Variants in CACNB4 observed in about 807,000 individuals in gnomAD.
CACNB4 encodes the protein calcium voltage-gated channel auxiliary subunit beta 4.
A neutral mutation model predicts 71.2 loss-of-function variants in CACNB4; 32 were observed. The ratio of observed to expected loss-of-function variants is 0.45; its 90% confidence interval spans 0.34 to 0.60. CACNB4 has a LOEUF of 0.60. CACNB4 is among the 20% of genes least tolerant of loss of function. The pLI is 0.01. For missense variants in CACNB4, 464 were observed against 647.9 expected, an observed-to-expected ratio of 0.72 and a Z score of 3.08; for synonymous variants, 231 against 236.9, an observed-to-expected ratio of 0.97 and a Z score of 0.23.
At chr2:152,016,363 T>C (rs1428374326) in intron 2 of CACNB4, among the ~76,000 whole-genome samples, 2 of 152,262 alleles carry the variant, frequency 1.3e-5, no homozygotes, top group Admixed American at 6.5e-5. Context: ...TCTAACATCC[T>C]ATTTTGAATT....
chr2:152,025,942 G>A (rs1420954030), intron 2 of CACNB4, among the ~76,000 whole-genome samples: 1 of 152,232 alleles, frequency 6.6e-6, no homozygotes. Flanking sequence ...TTTGCAGCGG[G>A]AGGGTTGCTC....
In CACNB4 at chr2:151,838,069, G is replaced by A. The variant is rs2099835272; in HGVS notation, c.*1050C>T. 2 of 152,176 alleles carry A rather than the reference G, an allele frequency of 1.3e-5. No homozygotes were observed. The highest frequency in any genetic ancestry group is 4.8e-5 in the African/African-American group (2 of 41,454). The allele number at this position is 152,176 out of a possible 1,614,324, so 9.4% of individuals were successfully genotyped here. On this transcript the variant is annotated 3_prime_UTR_variant, in exon 14 of 14. Transcript: ENST00000539935. ...AAGACAGAGACTGAGAGAAGCAATG[G>A]AAAGATACTCAATCTTGTTGGCAGG...
intron 2 of CACNB4, among the ~76,000 whole-genome samples, chr2:152,030,110 T>C (rs1684199370): frequency 6.6e-6 from 1 of 152,194 alleles, no homozygotes; most frequent in African/African-American, 2.4e-5. Context: ...TTACCTTCTT[T>C]TTTTTTTCTG....
intron 2 of CACNB4, chr2:151,883,740 G>A: frequency 3.3e-6 from 1 of 302,188 alleles, no homozygotes; most frequent in South Asian, 3.2e-5. Flanking sequence ...AAGAGACTCA[G>A]CTTATTACAA....
chr2:152,010,815 C>A (rs1434199326), intron 2 of CACNB4, among the ~76,000 whole-genome samples: 1 of 152,170 alleles, frequency 6.6e-6, no homozygotes, highest in Non-Finnish European at 1.5e-5. Context: ...CTGTTCCCAG[C>A]CCAGCACTGT....
intron 2 of CACNB4, among the ~76,000 whole-genome samples, chr2:152,094,756 G>T (rs188798328): frequency 1.5e-4 from 23 of 152,210 alleles, no homozygotes; most frequent in African/African-American, 4.8e-4. Flanking sequence ...ATCTAACATA[G>T]TGCTAGGCAC....
chr2:151,896,860 A>G (rs1578692089), intron 2 of CACNB4, among the ~76,000 whole-genome samples: 1 of 152,246 alleles, frequency 6.6e-6, no homozygotes, highest in East Asian at 1.9e-4. Flanking sequence ...GATAGATTTC[A>G]TTATCCACAC....
chr2:151,860,443 T>C, intron 10 of CACNB4: 1 of 472,782 alleles, frequency 2.1e-6, no homozygotes, highest in Middle Eastern at 5.5e-4. Context: ...TGGTTTCATG[T>C]AGTTAGGCAG....
intron 2 of CACNB4, among the ~76,000 whole-genome samples, chr2:152,051,652 A>G (rs1238091195): frequency 2.0e-5 from 3 of 152,238 alleles, no homozygotes; most frequent in Non-Finnish European, 4.4e-5. Flanking sequence ...AGGGCTTTCA[A>G]CAAGAACCCA....
Position 151,842,003 on chromosome 2 carries a change from G to A in CACNB4, c.1202C>T (p.Ala401Val). The A allele has an allele frequency of 6.2e-7, 1 of 1,613,710 alleles. No homozygotes were observed. The highest frequency in any genetic ancestry group is 8.5e-7 in the Non-Finnish European group (1 of 1,179,682). Residue 401 changes from alanine (A) to valine (V), a missense_variant, in exon 13 of 14, where the codon GCC becomes GTC. Coordinates refer to ENST00000539935, the MANE Select transcript of CACNB4 (RefSeq NM_000726.5). ...GGGTGTGCTACTGGTTGTGTGGGTG[G>A]CACGCCAGTACGCCTCCAGGTACTC... ...LGEYLEAYWR[A>V]THTTSSTPMT... is the part of the protein sequence containing the mutation.
At chr2:152,024,035 G>A (rs1293794595) in intron 2 of CACNB4, among the ~76,000 whole-genome samples, 2 of 152,184 alleles carry the variant, frequency 1.3e-5, no homozygotes, top group Non-Finnish European at 2.9e-5. Flanking sequence ...AAGAACCAGT[G>A]TTGGCTGGGC....
chr2:151,970,253 C>G (rs969878519), intron 2 of CACNB4: 2 of 152,094 alleles, frequency 1.3e-5, no homozygotes, highest in Non-Finnish European at 2.9e-5. Context: ...GAATAGGGTG[C>G]AACACACAGT....
At chr2:151,989,426 C>A (rs1681560826) in intron 2 of CACNB4, among the ~76,000 whole-genome samples, 1 of 152,182 alleles carries the variant, frequency 6.6e-6, no homozygotes, top group Non-Finnish European at 1.5e-5. Context: ...CTCTTTGTTG[C>A]AATTTCTAAT....
chr2:151,915,800 T>C (rs963142535), intron 2 of CACNB4, among the ~76,000 whole-genome samples: 4 of 144,854 alleles, frequency 2.8e-5, no homozygotes, highest in Admixed American at 7.3e-5. Context: ...TGAGCTGAGA[T>C]TGCGCCATAG....
In CACNB4 at chr2:151,895,094, CCCCACACACACACACACA is replaced by C. The variant is rs1171474130; in HGVS notation, c.148-11742_148-11725del. ...TCATATGGAACCAGAACTCAAATAG[CCCCACACACACACACACA>C]CACACACACACACACACACACACAC... On this transcript the variant is annotated intron_variant, in intron 2 of 13. Transcript: ENST00000539935. Among the ~76,000 whole-genome samples the C allele has an allele frequency of 3.8e-3, 501 of 132,812 alleles. 10 individuals carry two copies. The highest frequency in any genetic ancestry group is 0.012 in the Middle Eastern group (3 of 252). The allele number at this position is 132,812 out of a possible 152,430, so 87.1% of individuals were successfully genotyped here. A position where few individuals can be genotyped will look rare whatever the true frequency, so the allele number is the denominator to read the frequency against.
intron 9 of CACNB4, among the ~76,000 whole-genome samples, chr2:151,864,996 C>T (rs977878975): frequency 1.3e-5 from 2 of 152,136 alleles, no homozygotes; most frequent in Admixed American, 1.3e-4. Context: ...TACTCAAAAC[C>T]TACTAATTTA....
chr2:152,000,928 C>T (rs1038033712), intron 2 of CACNB4, among the ~76,000 whole-genome samples: 1 of 152,222 alleles, frequency 6.6e-6, no homozygotes, highest in African/African-American at 2.4e-5. Flanking sequence ...GAGGCCTCCT[C>T]ATGGGCCTCC....
chr2:152,011,762 C>T (rs1394129990), intron 2 of CACNB4, among the ~76,000 whole-genome samples: 1 of 152,188 alleles, frequency 6.6e-6, no homozygotes, highest in African/African-American at 2.4e-5. Context: ...ACAGAACATC[C>T]TAATACAGTC....
intron 2 of CACNB4, among the ~76,000 whole-genome samples, chr2:151,899,001 C>G (rs974908966): frequency 6.6e-6 from 1 of 152,190 alleles, no homozygotes; most frequent in Admixed American, 6.5e-5. Flanking sequence ...CCTGAAAGCT[C>G]TTCTTCTCCC....
Sources: gnomAD v4.1 joint callset for allele counts (sites outside exome capture counted in the v4.1 genomes callset) on GRCh38, gnomAD v4.1.1 for gene constraint, MANE v1.5 for transcripts, NCBI Gene and HGNC (gene_info 2026-07-23, HGNC 2026-07-21) for gene names.